Variants in ELMO1 observed in about 807,000 individuals in gnomAD.
ELMO1 encodes the protein engulfment and cell motility protein 1.
Under a neutral mutation model 98.9 loss-of-function variants are expected in ELMO1, and 26 were observed. The ratio of observed to expected loss-of-function variants is 0.26; its 90% confidence interval spans 0.19 to 0.36. ELMO1 has a LOEUF of 0.36. Among genes scored for constraint, ELMO1 ranks in the 10% least tolerant of loss-of-function variants. ELMO1 has a pLI of 1.00. For synonymous variants in ELMO1, 346 were observed against 346.0 expected, an observed-to-expected ratio of 1.00 and a Z score of 0.00; for missense variants, 627 against 935.2, an observed-to-expected ratio of 0.67 and a Z score of 4.30.
At chr7:37,413,197 C>G (rs1804066884) in intron 1 of ELMO1, among the ~76,000 whole-genome samples, 1 of 151,684 alleles carries the variant, frequency 6.6e-6, no homozygotes, top group East Asian at 1.9e-4. Flanking sequence ...AATACTTGCT[C>G]TGTCTGAAAT....
intron 2 of ELMO1, among the ~76,000 whole-genome samples, chr7:37,327,049 C>G (rs1799858067): frequency 6.6e-6 from 1 of 152,162 alleles, no homozygotes; most frequent in Non-Finnish European, 1.5e-5. Flanking sequence ...CCCCAATTTC[C>G]TTATATCTGA....
intron 15 of ELMO1, among the ~76,000 whole-genome samples, chr7:37,091,308 T>C (rs1784074828): frequency 6.6e-6 from 1 of 152,128 alleles, no homozygotes; most frequent in African/African-American, 2.4e-5. Flanking sequence ...GGTTTCACCA[T>C]GTTGGCCAGG....
chr7:37,065,502 C>T (rs569843585), intron 15 of ELMO1, among the ~76,000 whole-genome samples: 1 of 152,206 alleles, frequency 6.6e-6, no homozygotes, highest in South Asian at 2.1e-4. Flanking sequence ...TTCTGCCCTT[C>T]CCCCTCAAGT....
At chr7:37,374,937 G>A (rs545676296) in intron 1 of ELMO1, among the ~76,000 whole-genome samples, 1 of 151,856 alleles carries the variant, frequency 6.6e-6, no homozygotes, top group Non-Finnish European at 1.5e-5. Context: ...ATGCATGCCT[G>A]TAATCCCAGC....
intron 16 of ELMO1, among the ~76,000 whole-genome samples, chr7:36,935,789 C>T (rs908662648): frequency 2.0e-5 from 3 of 152,178 alleles, no homozygotes; most frequent in African/African-American, 7.2e-5. Flanking sequence ...AAATGGCTGG[C>T]CCCTCCAGTA....
At chr7:37,418,908 C>T (rs1008178730) in intron 1 of ELMO1, among the ~76,000 whole-genome samples, 1 of 152,046 alleles carries the variant, frequency 6.6e-6, no homozygotes, top group South Asian at 2.1e-4. Context: ...GGCTAGGAGT[C>T]GGGTACTCGC....
intron 4 of ELMO1, among the ~76,000 whole-genome samples, chr7:37,298,022 AAT>A (rs1444498535): frequency 1.3e-5 from 2 of 152,124 alleles, no homozygotes; most frequent in Non-Finnish European, 2.9e-5. Flanking sequence ...ACTTTTTTCT[AAT>A]ATGTCTCAAT....
At chr7:37,106,983 G>A (rs1410436026) in intron 14 of ELMO1, among the ~76,000 whole-genome samples, 1 of 151,974 alleles carries the variant, frequency 6.6e-6, no homozygotes, top group Non-Finnish European at 1.5e-5. Context: ...GCAAGTCCAG[G>A]GTCCATATTT....
intron 14 of ELMO1, among the ~76,000 whole-genome samples, chr7:37,129,323 G>A (rs1260361871): frequency 6.6e-6 from 1 of 152,190 alleles, no homozygotes. Flanking sequence ...TAGCAAGGAG[G>A]CCACTAAGAT....
intron 13 of ELMO1, among the ~76,000 whole-genome samples, chr7:37,176,479 AT>A (rs1231882387): frequency 6.6e-6 from 1 of 152,254 alleles, no homozygotes; most frequent in Non-Finnish European, 1.5e-5. Context: ...AAGAATAAAA[AT>A]GTACAATATA....
At chr7:37,024,471 G>A (rs1397321286) in intron 15 of ELMO1, among the ~76,000 whole-genome samples, 1 of 152,188 alleles carries the variant, frequency 6.6e-6, no homozygotes, top group Non-Finnish European at 1.5e-5. Context: ...GAGGATTCTT[G>A]TTATTCTGGA....
intron 7 of ELMO1, among the ~76,000 whole-genome samples, chr7:37,234,508 T>C (rs1172374861): frequency 6.6e-6 from 1 of 152,138 alleles, no homozygotes; most frequent in Non-Finnish European, 1.5e-5. Context: ...GGAAAGACAA[T>C]GATCCAAAGC....
chr7:37,202,089 C>A (rs1447340687), intron 13 of ELMO1, among the ~76,000 whole-genome samples: 4 of 152,182 alleles, frequency 2.6e-5, no homozygotes, highest in Non-Finnish European at 5.9e-5. Context: ...CACCCCGGGA[C>A]CTCCTGCATT....
At chr7:37,188,516 T>TAAG (rs1791382907) in intron 13 of ELMO1, among the ~76,000 whole-genome samples, 1 of 124,624 alleles carries the variant, frequency 8.0e-6, no homozygotes, top group Non-Finnish European at 1.7e-5. Flanking sequence ...ATAATAATAA[T>TAAG]AATAATAATA....
intron 18 of ELMO1, among the ~76,000 whole-genome samples, chr7:36,880,369 A>G (rs1804350415): frequency 6.6e-6 from 1 of 152,222 alleles, no homozygotes; most frequent in South Asian, 2.1e-4. Context: ...ATGACACTCA[A>G]TTGATTTTGA....
intron 10 of ELMO1, among the ~76,000 whole-genome samples, chr7:37,217,441 C>T (rs1201205082): frequency 6.6e-6 from 1 of 152,108 alleles, no homozygotes; most frequent in African/African-American, 2.4e-5. Context: ...AAATACTGCT[C>T]ATATTCAGGA....
intron 14 of ELMO1, among the ~76,000 whole-genome samples, chr7:37,131,964 T>C (rs1456386449): frequency 6.6e-6 from 1 of 152,200 alleles, no homozygotes; most frequent in African/African-American, 2.4e-5. Flanking sequence ...TTTTTCACTG[T>C]GCCGACGGTC....
intron 4 of ELMO1, among the ~76,000 whole-genome samples, chr7:37,282,074 G>T (rs1797169088): frequency 6.8e-6 from 1 of 146,098 alleles, no homozygotes; most frequent in African/African-American, 2.6e-5. Context: ...ATTGTCATAT[G>T]TTTCCCTCTG....
intron 15 of ELMO1, among the ~76,000 whole-genome samples, chr7:37,040,995 G>A (rs58972769): frequency 0.052 from 7,945 of 152,194 alleles, 437 homozygotes; most frequent in African/African-American, 0.14. Flanking sequence ...CAGAAGGATC[G>A]CTTGAACCCA....
Sources: allele counts gnomAD v4.1 joint callset (sites outside exome capture counted in the v4.1 genomes callset), GRCh38; gene constraint gnomAD v4.1.1; transcripts MANE v1.5; gene names NCBI Gene and HGNC (gene_info 2026-07-23, HGNC 2026-07-21).